The following MACROD2 variants were observed in gnomAD, a reference collection of about 807,000 sequenced individuals.
MACROD2 encodes ADP-ribose glycohydrolase MACROD2.
In MACROD2, 36 loss-of-function variants were observed where a neutral mutation model predicts 70.4. The ratio of observed to expected loss-of-function variants is 0.51; its 90% CI spans 0.39 to 0.68. The LOEUF (loss-of-function observed/expected upper bound fraction) is 0.68. Among genes scored for constraint, MACROD2 ranks in the 30% least tolerant of loss-of-function variants. The pLI, the probability that MACROD2 is intolerant of heterozygous loss-of-function variation, is 0.00. For synonymous variants in MACROD2, 172 were observed against 178.8 expected, an observed-to-expected ratio of 0.96 and a Z score of 0.30; for missense variants, 496 against 538.4, an observed-to-expected ratio of 0.92 and a Z score of 0.78.
chr20:15,249,117 G>A (rs150068945), intron 6 of MACROD2, among the ~76,000 whole-genome samples: 6 of 152,304 alleles, frequency 3.9e-5, no homozygotes, highest in Non-Finnish European at 7.4e-5. Context: ...GGACAAGGAC[G>A]CTGAGGTATT....
At chr20:14,281,862 G>T (rs1331567640) in intron 3 of MACROD2, among the ~76,000 whole-genome samples, 3 of 147,794 alleles carry the variant, frequency 2.0e-5, no homozygotes, top group African/African-American at 5.0e-5. Flanking sequence ...TTGAACCCAG[G>T]AGGCGGAGGT....
At chr20:15,317,416 C>G (rs2077822825) in intron 6 of MACROD2, among the ~76,000 whole-genome samples, 1 of 151,874 alleles carries the variant, frequency 6.6e-6, no homozygotes, top group South Asian at 2.1e-4. Context: ...CAAGAAGAAA[C>G]ATTAGTATTA....
At chr20:15,341,773 A>G (rs763245566) in intron 6 of MACROD2, among the ~76,000 whole-genome samples, 2 of 152,196 alleles carry the variant, frequency 1.3e-5, no homozygotes, top group Non-Finnish European at 1.5e-5. Flanking sequence ...CATTAAGACT[A>G]TGCATGGTGG....
chr20:15,153,985 T>C (rs1174072495), intron 5 of MACROD2, among the ~76,000 whole-genome samples: 1 of 152,126 alleles, frequency 6.6e-6, no homozygotes, highest in East Asian at 1.9e-4. Context: ...CCCTTGCTGT[T>C]TGAGGGTGCA....
chr20:14,067,507 C>T (rs935000383), intron 2 of MACROD2, among the ~76,000 whole-genome samples: 1 of 152,120 alleles, frequency 6.6e-6, no homozygotes, highest in African/African-American at 2.4e-5. Context: ...CAGAAATGTG[C>T]TTCTCCTTTT....
rs555082733 is a variant in MACROD2, at chr20:14,131,855, C to T, written c.271+46127C>T. Among the ~76,000 whole-genome samples, 24 of 152,042 alleles carry T rather than the reference C, an allele frequency of 1.6e-4. 1 individual carries two copies. Among genetic ancestry groups the T allele is most frequent in the East Asian group, 1.6e-3 (8 of 5,150 alleles). ...TTACGGTTTAAGAGATTCTCGGCCG[C>T]GCGCGGTGGCTCACGCTTGTAATCC... On this transcript the variant is annotated intron_variant, in intron 3 of 17. Coordinates refer to ENST00000684519, the MANE Select transcript of MACROD2 (RefSeq NM_001351661.2).
chr20:15,626,417 T>G (rs1288981758), intron 8 of MACROD2, among the ~76,000 whole-genome samples: 1 of 152,240 alleles, frequency 6.6e-6, no homozygotes, highest in Admixed American at 6.5e-5. Flanking sequence ...TGCAAACTCT[T>G]GACAAGGTCC....
At chr20:14,230,561 C>A (rs4814292) in intron 3 of MACROD2, among the ~76,000 whole-genome samples, 3 of 144,860 alleles carry the variant, frequency 2.1e-5, no homozygotes, top group Non-Finnish European at 4.5e-5. Context: ...ATTTCCTTCA[C>A]TGAAGTCTTG....
chr20:14,963,478 C>A (rs2074602915), intron 5 of MACROD2, among the ~76,000 whole-genome samples: 1 of 152,124 alleles, frequency 6.6e-6, no homozygotes, highest in African/African-American at 2.4e-5. Flanking sequence ...AATCCAGAGG[C>A]ACAGGAAATC....
At chr20:15,910,835 A>G (rs2065225963) in intron 10 of MACROD2, among the ~76,000 whole-genome samples, 1 of 152,242 alleles carries the variant, frequency 6.6e-6, no homozygotes, top group African/African-American at 2.4e-5. Context: ...AAAGCCACTC[A>G]AAACTGTTTT....
At chr20:15,157,116 G>A (rs572118626) in intron 5 of MACROD2, among the ~76,000 whole-genome samples, 3 of 152,088 alleles carry the variant, frequency 2.0e-5, no homozygotes, top group Non-Finnish European at 2.9e-5. Context: ...CCACAGACTG[G>A]GTGGCTTAAA....
chr20:14,532,474 C>T (rs1038591516), intron 4 of MACROD2, among the ~76,000 whole-genome samples: 2 of 151,688 alleles, frequency 1.3e-5, no homozygotes, highest in Non-Finnish European at 2.9e-5. Flanking sequence ...CCGCACGTCT[C>T]AGCCTCCCAA....
intron 5 of MACROD2, among the ~76,000 whole-genome samples, chr20:15,225,541 A>T (rs1388789375): frequency 6.6e-6 from 1 of 152,160 alleles, no homozygotes; most frequent in Non-Finnish European, 1.5e-5. Context: ...CCTTCCAGAG[A>T]TGTTTTATGC....
intron 4 of MACROD2, among the ~76,000 whole-genome samples, chr20:14,662,593 A>G (rs1442168637): frequency 6.6e-6 from 1 of 152,248 alleles, no homozygotes. Context: ...TATGCATCTG[A>G]CAAAGGTCTA....
intron 3 of MACROD2, 107 bp from the exon 4 acceptor site, chr20:14,493,372 G>T: frequency 1.2e-6 from 1 of 845,210 alleles, no homozygotes; most frequent in East Asian, 2.8e-5. Flanking sequence ...GTTTATGTAT[G>T]TATATGAGAC....
intron 4 of MACROD2, among the ~76,000 whole-genome samples, chr20:14,515,475 A>ACGCG (rs1568648917): frequency 9.9e-5 from 10 of 100,562 alleles, no homozygotes; most frequent in Admixed American, 2.0e-4. Context: ...GCACACACAC[A>ACGCG]CACACACACA....
intron 3 of MACROD2, among the ~76,000 whole-genome samples, chr20:14,393,060 C>T (rs1221451728): frequency 6.6e-6 from 1 of 152,070 alleles, no homozygotes; most frequent in Non-Finnish European, 1.5e-5. Flanking sequence ...TGTTTATCCT[C>T]CCAACAGTAA....
chr20:14,273,031 A>T (rs1324190871), intron 3 of MACROD2, among the ~76,000 whole-genome samples: 1 of 151,744 alleles, frequency 6.6e-6, no homozygotes, highest in Non-Finnish European at 1.5e-5. Context: ...TTAGACTCCT[A>T]CACAATAATA....
intron 12 of MACROD2, among the ~76,000 whole-genome samples, chr20:15,964,692 A>C (rs762254040): frequency 6.6e-6 from 1 of 152,208 alleles, no homozygotes; most frequent in Non-Finnish European, 1.5e-5. Flanking sequence ...CTTCAAACCT[A>C]CAACTAAATA....
Sources: gnomAD v4.1 joint callset for allele counts (sites outside exome capture counted in the v4.1 genomes callset) on GRCh38, gnomAD v4.1.1 for gene constraint, MANE v1.5 for transcripts, NCBI Gene and HGNC (gene_info 2026-07-23, HGNC 2026-07-21) for gene names.